ODAD2: variants seen among roughly 807,000 people sequenced by gnomAD.
The protein encoded by ODAD2 is outer dynein arm-docking complex subunit 2.
A neutral mutation model predicts 106.8 loss-of-function variants in ODAD2; 89 were observed. The ratio of observed to expected loss-of-function variants is 0.83; its 90% CI spans 0.70 to 0.99. The LOEUF (loss-of-function observed/expected upper bound fraction) is 0.99, where lower values mean the gene tolerates loss of function less well. Ranked by LOEUF, ODAD2 falls within the 50% of genes least tolerant of loss-of-function variation. The pLI is 0.00. For missense variants in ODAD2, 1,168 were observed against 1,238.5 expected (o/e 0.94, Z 0.85); for synonymous variants, 404 against 436.2 (o/e 0.93, Z 0.92).
chr10:27,885,990 A>G (rs1842195092), intron 17 of ODAD2, among the ~76,000 whole-genome samples: 1 of 145,206 alleles, frequency 6.9e-6, no homozygotes, highest in South Asian at 2.1e-4. Flanking sequence ...ACTATAGGAT[A>G]TAACAGCAGA....
intron 16 of ODAD2, among the ~76,000 whole-genome samples, chr10:27,910,499 T>C (rs577967595): frequency 6.2e-4 from 95 of 152,256 alleles, no homozygotes; most frequent in African/African-American, 2.3e-3. Flanking sequence ...CTCACGCCTG[T>C]AATCCTAACA....
chr10:27,850,489 G>A (rs970415133), intron 19 of ODAD2, among the ~76,000 whole-genome samples: 17 of 151,206 alleles, frequency 1.1e-4, no homozygotes, highest in African/African-American at 1.7e-4. Context: ...CGTGGGAGGC[G>A]GAGGTTGTAG....
rs182996436 is a variant in ODAD2 at position 27,969,931 on chromosome 10, C to T, written c.1143-913G>A. On this transcript the variant is annotated intron_variant, in intron 8 of 19. Coordinates refer to ENST00000305242, the MANE Select transcript of ODAD2 (RefSeq NM_018076.5). ...GACTAGCCTGGCCAACATGGCAAAACGCCATCTCTACTAAAAATACAAAAA... is the reference window on the plus strand; with the variant it reads ...GACTAGCCTGGCCAACATGGCAAAATGCCATCTCTACTAAAAATACAAAAA... Among the ~76,000 whole-genome samples, 183 of 152,042 alleles carry T rather than the reference C, an allele frequency of 1.2e-3. 1 individual carries two copies. The highest frequency in any genetic ancestry group is 1.6e-3 in the Non-Finnish European group (110 of 67,986).
intron 19 of ODAD2, among the ~76,000 whole-genome samples, chr10:27,816,001 T>A (rs1198135336): frequency 6.6e-6 from 1 of 152,234 alleles, no homozygotes; most frequent in Non-Finnish European, 1.5e-5. Flanking sequence ...CCATAATAGA[T>A]GTTATCACTT....
Position 27,913,000 on chromosome 10 carries a change from T to C in ODAD2, c.2496-5223A>G, listed in dbSNP as rs142724516. 2.1e-3 allele frequency among the ~76,000 whole-genome samples: 314 copies of C among 152,288 alleles called. 1 individual carries two copies. The highest frequency in any genetic ancestry group is 7.2e-3 in the African/African-American group (300 of 41,580). Reference sequence around the variant, plus strand: ...ATGTGGCAGTCTTGGGATAAGTATGTCAGAAATTCTTTAGCCTTTGGAAAG... The same window carrying C: ...ATGTGGCAGTCTTGGGATAAGTATGCCAGAAATTCTTTAGCCTTTGGAAAG... On this transcript the variant is annotated intron_variant, in intron 16 of 19. Transcript: ENST00000305242.
At chr10:27,855,037 T>C (rs919867850) in intron 19 of ODAD2, among the ~76,000 whole-genome samples, 1 of 152,128 alleles carries the variant, frequency 6.6e-6, no homozygotes, top group African/African-American at 2.4e-5. Context: ...AGGGATTATG[T>C]AAGGGTACCA....
At chr10:27,959,278 GGGAA>G (rs911111895) in intron 10 of ODAD2, among the ~76,000 whole-genome samples, 4 of 150,530 alleles carry the variant, frequency 2.7e-5, no homozygotes, top group Non-Finnish European at 5.9e-5. Context: ...GGAAAGGAAA[GGGAA>G]GGAAGAAAGG....
chr10:27,952,074 C>CAAAAAA (rs71388944), intron 10 of ODAD2, among the ~76,000 whole-genome samples: 17 of 43,988 alleles, frequency 3.9e-4, no homozygotes, highest in South Asian at 2.0e-3. Flanking sequence ...GATGCCAACT[C>CAAAAAA]AAAAAAAAAA....
At chr10:27,981,898 C>T (rs1849571767) in intron 6 of ODAD2, 1 of 170,706 alleles carries the variant, frequency 5.9e-6, no homozygotes, top group Admixed American at 6.4e-5. Flanking sequence ...CCGCTCTCCT[C>T]TACTCTGAAA....
rs1849554415 is a variant in ODAD2, at chr10:27,981,652, A to G, written c.820-70T>C. 4 of 1,082,514 alleles carry G rather than the reference A, an allele frequency of 3.7e-6. No individual in the cohort carries two copies. In the South Asian group the frequency reaches 6.4e-5, roughly 17 times the overall value. The allele number at this position is 1,082,514 out of a possible 1,614,324, so 67.1% of individuals were successfully genotyped here. A position where few individuals can be genotyped will look rare whatever the true frequency, so the allele number is the denominator to read the frequency against. On this transcript the variant is annotated intron_variant, in intron 6 of 19. Transcript: ENST00000305242. ...ATTGTAAGAAGCTGATCAATACATC[A>G]CAAGCTAGCCACACGTATTATTTTC...
At chr10:27,940,082 T>A in intron 13 of ODAD2, 75 bp from the exon 14 acceptor site, 1 of 1,015,878 alleles carries the variant, frequency 9.8e-7, no homozygotes. Flanking sequence ...TTAATAAACA[T>A]GCTGAACAAA....
At chr10:27,999,159 C>T (rs1850734671), upstream of ODAD2, 1 of 152,272 alleles carries the variant, frequency 6.6e-6, no homozygotes, top group Non-Finnish European at 1.5e-5. Flanking sequence ...TTGCATCTCC[C>T]TTTCTCAAAC....
chr10:27,899,757 T>A (rs1843075219), intron 17 of ODAD2, among the ~76,000 whole-genome samples: 1 of 152,102 alleles, frequency 6.6e-6, no homozygotes, highest in Admixed American at 6.5e-5. Flanking sequence ...ACAGACTGCC[T>A]CTCTAGATTC....
intron 16 of ODAD2, among the ~76,000 whole-genome samples, chr10:27,930,038 C>A (rs551854051): frequency 1.3e-5 from 2 of 152,016 alleles, no homozygotes; most frequent in South Asian, 4.1e-4. Context: ...CCTTGGGTTC[C>A]ATATTTATAC....
intron 17 of ODAD2, among the ~76,000 whole-genome samples, chr10:27,890,800 C>T (rs919510855): frequency 2.0e-5 from 3 of 151,470 alleles, no homozygotes; most frequent in East Asian, 3.9e-4. Context: ...TATTATCATT[C>T]GTTACTCTAA....
At position 27,995,204 on chromosome 10, in the gene ODAD2, G is replaced by C. The variant is rs561358515; in HGVS notation, c.-38-24C>G. 359 of 1,582,106 alleles carry C rather than the reference G, an allele frequency of 2.3e-4. 2 individuals carry two copies. The South Asian group carries it at 3.9e-3, about 17-fold the overall frequency. ...CACTACATCAGAGCAGAAAGAGAAA[G>C]AGACAACAGCGTCCACCTTTTCCTT... On this transcript the variant is annotated intron_variant, in intron 1 of 19. Transcript: ENST00000305242.
chr10:27,885,712 T>TAA (rs1842115896), intron 17 of ODAD2, among the ~76,000 whole-genome samples: 2 of 40,900 alleles, frequency 4.9e-5, no homozygotes, highest in South Asian at 6.5e-4. Context: ...ATAAAATATA[T>TAA]ATTATATATT....
rs1310010901 is a variant in ODAD2, at chr10:27,912,581, TG to T, written c.2496-4805del. Among the ~76,000 whole-genome samples, 12 of 152,230 alleles carry T rather than the reference TG, an allele frequency of 7.9e-5. No homozygotes were observed. The South Asian group carries it at 2.5e-3, about 32-fold the overall frequency. ...CCCATACTGTGGGCACAGGCAAGGTTGTAGGGTTTCTTTCTGGCAATATCAA... is the reference window on the plus strand; with the variant it reads ...CCCATACTGTGGGCACAGGCAAGGTTTAGGGTTTCTTTCTGGCAATATCAA... On this transcript the variant is annotated intron_variant, in intron 16 of 19. Transcript: ENST00000305242.
intron 19 of ODAD2, among the ~76,000 whole-genome samples, chr10:27,847,771 C>G (rs1189466262): frequency 1.3e-5 from 2 of 151,944 alleles, no homozygotes; most frequent in African/African-American, 4.8e-5. Flanking sequence ...TTCTTATACA[C>G]CAATAACAGA....
Sources: allele counts gnomAD v4.1 joint callset (sites outside exome capture counted in the v4.1 genomes callset), GRCh38; gene constraint gnomAD v4.1.1; transcripts MANE v1.5; gene names NCBI Gene and HGNC (gene_info 2026-07-23, HGNC 2026-07-21).